The following BPHL variants were observed in gnomAD, a reference collection of about 807,000 sequenced individuals.
BPHL encodes the protein serine hydrolase BPHL.
In BPHL, 27 loss-of-function variants were observed where a neutral mutation model predicts 31.2. That is an observed-to-expected ratio of 0.87 (90% CI 0.64 to 1.19). The LOEUF is 1.19. Ranked by LOEUF, BPHL falls within the 50% of genes most tolerant of loss-of-function variation. The pLI is 0.00. For missense variants in BPHL, 356 were observed against 375.7 expected (o/e 0.95, Z 0.43); for synonymous variants, 150 against 146.8 (o/e 1.02, Z -0.16).
At position 3,140,259 on chromosome 6, in the gene BPHL, C is replaced by G. The variant is rs1373869083; in HGVS notation, c.665-127C>G. ...AAGGAATCCCAGGCACGGTCAAATC[C>G]AAAACACAGTTTTTACGGATAGGGA... On this transcript the variant is annotated intron_variant, in intron 5 of 6. Transcript: ENST00000380379. The surrounding 1 kb of genome is among the most constrained non-coding windows in gnomAD (Gnocchi z 5.2). 2.4e-6 allele frequency: 3 copies of G among 1,276,100 alleles called. No individual in the cohort carries two copies. The highest frequency in any genetic ancestry group is 2.3e-5 in the Admixed American group (1 of 44,094). 79.0% of individuals were successfully genotyped at this position (1,276,100 alleles called of 1,614,324 possible). A position where few individuals can be genotyped will look rare whatever the true frequency, so the allele number is the denominator to read the frequency against.
At chr6:3,122,852 TA>T (rs1224894576) in intron 1 of BPHL, among the ~76,000 whole-genome samples, 5 of 152,228 alleles carry the variant, frequency 3.3e-5, no homozygotes, top group Non-Finnish European at 5.9e-5. Context: ...ACCCTACAGC[TA>T]AAGAACAGCC....
At chr6:3,144,266 A>G (rs1762259803) in intron 6 of BPHL, among the ~76,000 whole-genome samples, 1 of 151,180 alleles carries the variant, frequency 6.6e-6, no homozygotes, top group South Asian at 2.1e-4. Context: ...ACGGGGTTTC[A>G]CGGCGTTAGC....
chr6:3,147,891 G>A (rs960920225), intron 6 of BPHL, among the ~76,000 whole-genome samples: 21 of 152,318 alleles, frequency 1.4e-4, no homozygotes, highest in African/African-American at 4.6e-4. Context: ...GAGTCCAAAG[G>A]TAGGAAAAAG....
chr6:3,130,855 A>G (rs1057054430), intron 4 of BPHL, among the ~76,000 whole-genome samples: 1 of 152,134 alleles, frequency 6.6e-6, no homozygotes, highest in African/African-American at 2.4e-5. Flanking sequence ...TTAAATGAAT[A>G]TGAAGCTCTT....
intron 4 of BPHL, among the ~76,000 whole-genome samples, chr6:3,131,666 C>T (rs917449839): frequency 6.6e-6 from 1 of 152,192 alleles, no homozygotes; most frequent in Non-Finnish European, 1.5e-5. Context: ...AGCCCCTCCC[C>T]GGACATTCTC....
intron 4 of BPHL, among the ~76,000 whole-genome samples, chr6:3,136,683 T>C (rs1762024747): frequency 6.6e-6 from 1 of 152,186 alleles, no homozygotes; most frequent in African/African-American, 2.4e-5. Flanking sequence ...ATATTTAATA[T>C]GCTCAAGAGC....
In BPHL at chr6:3,140,410, C is replaced by T. The variant is rs1394240579; in HGVS notation, c.689C>T (p.Pro230Leu). Residue 230 changes from proline (P) to leucine (L), a missense_variant, in exon 6 of 7, where the codon CCC becomes CTC. Physicochemically the swap from Pro to Leu is moderately conservative, Grantham distance 98 (BLOSUM62 -3). Coordinates refer to ENST00000380379, the MANE Select transcript of BPHL (RefSeq NM_004332.4). This position sits in a 1 kb window ranked among gnomAD's most constrained non-coding sequence, Gnocchi z 5.2. ...PDGNICRHLL[P>L]RVQCPALIVH... ...GGTAACATCTGCCGGCACCTGCTGC[C>T]CCGGGTCCAGTGCCCCGCCTTGATT... 6.2e-7 allele frequency: 1 copy of T among 1,614,120 alleles called. No homozygotes were observed.
At chr6:3,127,114 C>T in intron 2 of BPHL, 128 bp from the exon 3 acceptor site, 2 of 601,218 alleles carry the variant, frequency 3.3e-6, no homozygotes, top group South Asian at 8.9e-5. Flanking sequence ...GGCTGCTTTC[C>T]TGATTACATT....
intron 4 of BPHL, among the ~76,000 whole-genome samples, chr6:3,130,184 G>A (rs1179082717): frequency 6.6e-6 from 1 of 152,166 alleles, no homozygotes; most frequent in Non-Finnish European, 1.5e-5. Flanking sequence ...TCCCACTTTT[G>A]TGCAGCCCAC....
In BPHL at chr6:3,127,362, C is replaced by A; in HGVS notation, c.332C>A (p.Ala111Glu). 6.2e-7 allele frequency: 1 copy of A among 1,607,346 alleles called. No homozygotes were observed. The highest frequency in any genetic ancestry group is 1.3e-5 in the African/African-American group (1 of 74,642). ...HSRPPDRDFP[A>E]DFFERDAKDA... is the part of the protein sequence containing the mutation. The stretch of plus-strand genomic sequence containing the variant: ...AGGCCCCCAGATCGCGATTTCCCAG[C>A]AGACTTTTTTGAAAGGGATGCAAAA... Residue 111 changes from alanine to glutamate, a missense_variant, in exon 3 of 7, where the codon GCA (alanine) becomes GAA (glutamate). Coordinates refer to ENST00000380379, the MANE Select transcript of BPHL (RefSeq NM_004332.4).
At chr6:3,133,970 A>G (rs946766132) in intron 4 of BPHL, among the ~76,000 whole-genome samples, 12 of 152,250 alleles carry the variant, frequency 7.9e-5, no homozygotes, top group Admixed American at 7.2e-4. Context: ...TAGCTCTTCA[A>G]CAAAAACTTG....
At chr6:3,119,186 G>A in intron 1 of BPHL, 4 of 1,133,556 alleles carry the variant, frequency 3.5e-6, no homozygotes, top group Middle Eastern at 2.6e-4. Context: ...CCGTGACGGA[G>A]CACGGACTAG....
At position 3,127,447 on chromosome 6, in the gene BPHL, C is replaced by T. The variant is rs191271717; in HGVS notation, c.378+39C>T. ...GGAAGGGCCAGGGGAGGAAGGGTGG[C>T]TGGGCCTGTCTTCATTTATTTTGTT... On this transcript the variant is annotated intron_variant, in intron 3 of 6. Coordinates refer to ENST00000380379, the MANE Select transcript of BPHL (RefSeq NM_004332.4). 29 of 1,446,042 alleles carry T rather than the reference C, an allele frequency of 2.0e-5. No homozygotes were observed. The Admixed American group carries it at 5.4e-4, about 27-fold the overall frequency. 89.6% of individuals were successfully genotyped at this position (1,446,042 alleles called of 1,614,324 possible). A position where few individuals can be genotyped will look rare whatever the true frequency, so the allele number is the denominator to read the frequency against.
At chr6:3,126,069 T>C (rs770950954) in intron 2 of BPHL, among the ~76,000 whole-genome samples, 1 of 152,240 alleles carries the variant, frequency 6.6e-6, no homozygotes, top group Non-Finnish European at 1.5e-5. Context: ...CCAAGCTCCC[T>C]GCAGGCCCAC....
chr6:3,118,467 G>A (rs950509571), upstream of BPHL: 2 of 321,928 alleles, frequency 6.2e-6, no homozygotes, highest in Non-Finnish European at 5.6e-6. Flanking sequence ...GCGCCGACGG[G>A]GACACTCATC....
At chr6:3,144,027 G>A (rs146097056) in intron 6 of BPHL, among the ~76,000 whole-genome samples, 2 of 152,344 alleles carry the variant, frequency 1.3e-5, no homozygotes, top group East Asian at 1.9e-4. Context: ...CCAGTTGCTC[G>A]CTCACCTATC....
chr6:3,128,911 C>T, intron 3 of BPHL, 134 bp from the exon 4 acceptor site: 2 of 1,332,494 alleles, frequency 1.5e-6, no homozygotes, highest in South Asian at 2.4e-5. Context: ...AAATGGTGGA[C>T]TCTAGGGTTT....
intron 6 of BPHL, among the ~76,000 whole-genome samples, chr6:3,145,178 G>C (rs1762297095): frequency 1.2e-5 from 1 of 84,284 alleles, no homozygotes; most frequent in Non-Finnish European, 2.9e-5. Context: ...TGGAGTGCTG[G>C]TTCGGGGTGG....
chr6:3,123,970 GT>G (rs1289367383), intron 2 of BPHL: 1 of 360,452 alleles, frequency 2.8e-6, no homozygotes, highest in Non-Finnish European at 5.0e-6. Context: ...AAAGTACCCA[GT>G]TTTTCCTATT....
Sources: gnomAD v4.1 joint callset for allele counts (sites outside exome capture counted in the v4.1 genomes callset) on GRCh38, gnomAD v4.1.1 for gene constraint, Gnocchi (gnomAD v3.1) non-coding constraint, MANE v1.5 for transcripts, NCBI Gene and HGNC (gene_info 2026-07-23, HGNC 2026-07-21) for gene names.